The following DPYSL3 variants were observed in gnomAD, a reference collection of about 807,000 sequenced individuals.
DPYSL3 encodes the protein dihydropyrimidinase like 3, also known as dihydropyrimidinase-related protein 3.
Under a neutral mutation model 66.1 loss-of-function variants are expected in DPYSL3, and 16 were observed. The ratio of observed to expected loss-of-function variants is 0.24; its 90% CI spans 0.16 to 0.37. The LOEUF (loss-of-function observed/expected upper bound fraction) is 0.37. DPYSL3 is among the 10% of genes least tolerant of loss of function. The pLI is 1.00. For synonymous variants in DPYSL3, 338 were observed against 345.1 expected (o/e 0.98, Z 0.23); for missense variants, 738 against 916.2 (o/e 0.81, Z 2.51).
At chr5:147,405,821 C>T (rs954460016) in intron 7 of DPYSL3, 91 bp from the exon 8 acceptor site, 1 of 1,497,718 alleles carries the variant, frequency 6.7e-7, no homozygotes, top group African/African-American at 1.4e-5. Flanking sequence ...TGCAGTGCTG[C>T]ACAAAGGTTA....
intron 8 of DPYSL3, among the ~76,000 whole-genome samples, chr5:147,404,104 TAC>T (rs1456694888): frequency 2.6e-5 from 4 of 152,216 alleles, no homozygotes; most frequent in Non-Finnish European, 1.5e-5. Flanking sequence ...AAGGAGTTCC[TAC>T]ACACTTCTTC....
At position 147,395,632 on chromosome 5, in the gene DPYSL3, G is replaced by T. The variant is rs1757945425; in HGVS notation, c.1893C>A (p.Gly631=). The change falls in exon 13 of 14, where the codon GGC becomes GGA. Residue 631 remains glycine (G), a synonymous_variant. Coordinates refer to ENST00000343218, the MANE Select transcript of DPYSL3 (RefSeq NM_001197294.2). The part of the protein sequence containing the change: ...TTTPKGGTPA[G]SARGSPTRPN... ...GCCGAGTAGGAGAGCCCCGAGCAGA[G>T]CCTGCGGGGGTGCCACCTTTGGGGG... 1 of 1,614,134 alleles carries T rather than the reference G, an allele frequency of 6.2e-7. No individual in the cohort carries two copies. The highest frequency in any genetic ancestry group is 8.5e-7 in the Non-Finnish European group (1 of 1,180,046).
rs1758146585 is a variant in DPYSL3, at chr5:147,400,721, G to A, written c.1423C>T (p.Arg475Trp). 1.2e-6 allele frequency: 2 copies of A among 1,614,022 alleles called. No individual in the cohort carries two copies. Among genetic ancestry groups the A allele is most frequent in the Non-Finnish European group, 8.5e-7 (1 of 1,179,954 alleles). ...IPEGTNGVEE[R>W]MSVIWDKAVA... ...GCCTTGTCCCAGATGACAGACATCC[G>A]CTCCTCCACACCATTGGTGCCCTCA... The change falls in exon 10 of 14, where the codon CGG (arginine) becomes TGG (tryptophan). Residue 475 changes from arginine to tryptophan, a missense_variant. Physicochemically the swap from Arg to Trp is moderately radical, Grantham distance 101. Coordinates refer to ENST00000343218, the MANE Select transcript of DPYSL3 (RefSeq NM_001197294.2).
chr5:147,475,473 G>T (rs1332677050), intron 1 of DPYSL3, among the ~76,000 whole-genome samples: 1 of 152,096 alleles, frequency 6.6e-6, no homozygotes, highest in Non-Finnish European at 1.5e-5. Context: ...CCGAATGCTG[G>T]CATCTATATG....
intron 1 of DPYSL3, chr5:147,453,730 C>T (rs1244693173): frequency 3.8e-6 from 5 of 1,318,340 alleles, no homozygotes; most frequent in Non-Finnish European, 4.8e-6. Context: ...CCCGCCTCCG[C>T]CCCCCTCCCG....
chr5:147,489,568 A>T (rs1753384564), intron 1 of DPYSL3, among the ~76,000 whole-genome samples: 1 of 152,134 alleles, frequency 6.6e-6, no homozygotes, highest in African/African-American at 2.4e-5. Context: ...GTACTCCATA[A>T]ATGTAATATT....
intron 6 of DPYSL3, among the ~76,000 whole-genome samples, chr5:147,410,068 T>C (rs988861911): frequency 6.6e-6 from 1 of 152,188 alleles, no homozygotes; most frequent in African/African-American, 2.4e-5. Flanking sequence ...TTCTTACCAT[T>C]CTCACTTATT....
At chr5:147,506,062 C>T (rs12186397) in intron 1 of DPYSL3, among the ~76,000 whole-genome samples, 2 of 152,170 alleles carry the variant, frequency 1.3e-5, no homozygotes, top group Admixed American at 6.5e-5. Context: ...TGTGAGGAAA[C>T]GACCTTTTGA....
intron 1 of DPYSL3, among the ~76,000 whole-genome samples, chr5:147,494,709 C>CAAAA (rs35761170): frequency 2.4e-5 from 2 of 83,562 alleles, no homozygotes; most frequent in African/African-American, 4.3e-5. Flanking sequence ...ACGAAAAATA[C>CAAAA]AAAAAAAAAA....
chr5:147,478,800 C>A (rs143212422), intron 1 of DPYSL3, among the ~76,000 whole-genome samples: 86 of 152,216 alleles, frequency 5.6e-4, no homozygotes, highest in African/African-American at 1.8e-3. Flanking sequence ...GACCTTGGGG[C>A]CCTTTGTTTC....
chr5:147,504,802 C>T (rs13186402), intron 1 of DPYSL3, among the ~76,000 whole-genome samples: 54,466 of 151,976 alleles, frequency 0.36, 10,126 homozygotes, highest in Non-Finnish European at 0.36. Flanking sequence ...AGAAATGACC[C>T]AAGACTCCTG....
chr5:147,452,574 C>T (rs1055685652), intron 1 of DPYSL3, among the ~76,000 whole-genome samples: 6 of 152,108 alleles, frequency 3.9e-5, no homozygotes, highest in Non-Finnish European at 8.8e-5. Context: ...TCCCAGCCTG[C>T]CATATGTGCC....
chr5:147,475,679 G>C (rs1472113431), intron 1 of DPYSL3, among the ~76,000 whole-genome samples: 3 of 152,078 alleles, frequency 2.0e-5, no homozygotes, highest in African/African-American at 7.2e-5. Flanking sequence ...ATAAATAAAA[G>C]ATGCCCTAGG....
chr5:147,493,416 T>A (rs1753446098), intron 1 of DPYSL3, among the ~76,000 whole-genome samples: 2 of 151,970 alleles, frequency 1.3e-5, no homozygotes, highest in Non-Finnish European at 2.9e-5. Context: ...CTACAAAAAA[T>A]TTAACAATTA....
At chr5:147,419,637 T>C (rs781639727) in intron 2 of DPYSL3, among the ~76,000 whole-genome samples, 19 of 152,302 alleles carry the variant, frequency 1.2e-4, no homozygotes, top group Non-Finnish European at 2.5e-4. Flanking sequence ...TCACTGTCCA[T>C]TGCATGAATA....
At chr5:147,419,907 C>G (rs1156259639) in intron 2 of DPYSL3, among the ~76,000 whole-genome samples, 1 of 152,174 alleles carries the variant, frequency 6.6e-6, no homozygotes, top group African/African-American at 2.4e-5. Context: ...TTCTCTCTCA[C>G]AGGTTCTCCT....
chr5:147,449,958 T>C (rs1581200716), intron 1 of DPYSL3, among the ~76,000 whole-genome samples: 1 of 152,192 alleles, frequency 6.6e-6, no homozygotes. Context: ...GTGGGATTTG[T>C]TGACAGTGAC....
At chr5:147,467,794 AAAC>A (rs1448161685) in intron 1 of DPYSL3, among the ~76,000 whole-genome samples, 2 of 152,220 alleles carry the variant, frequency 1.3e-5, no homozygotes, top group African/African-American at 4.8e-5. Flanking sequence ...CGTAATGTAC[AAAC>A]AACAGAAATT....
chr5:147,486,880 A>G (rs1478838795), intron 1 of DPYSL3, among the ~76,000 whole-genome samples: 1 of 152,156 alleles, frequency 6.6e-6, no homozygotes, highest in Non-Finnish European at 1.5e-5. Context: ...CACTCTCCCA[A>G]TTATATCCTT....
Sources: allele counts gnomAD v4.1 joint callset (sites outside exome capture counted in the v4.1 genomes callset), GRCh38; gene constraint gnomAD v4.1.1; transcripts MANE v1.5; gene names NCBI Gene and HGNC (gene_info 2026-07-23, HGNC 2026-07-21).